Variants in SORCS2 observed in about 807,000 individuals in gnomAD.
SORCS2 encodes sortilin related VPS10 domain containing receptor 2, also known as VPS10 domain-containing receptor SorCS2.
In SORCS2, 100 loss-of-function variants were observed where a neutral mutation model predicts 141.6. That is an observed-to-expected ratio of 0.71 (90% CI 0.60 to 0.83). The LOEUF is 0.83. SORCS2 is among the 40% of genes least tolerant of loss of function. The probability of loss-of-function intolerance (pLI) is 0.00; values close to 1 mark genes in which losing one functional copy is unlikely to be tolerated. For synonymous variants in SORCS2, 789 were observed against 676.9 expected, an observed-to-expected ratio of 1.17 and a Z score of -2.57; for missense variants, 1,646 against 1,560.2, an observed-to-expected ratio of 1.05 and a Z score of -0.93.
intron 19 of SORCS2, among the ~76,000 whole-genome samples, chr4:7,724,106 G>GTGGTGA (rs1726798038): frequency 6.7e-6 from 1 of 149,784 alleles, no homozygotes; most frequent in Non-Finnish European, 1.5e-5. Context: ...ATTGATGATA[G>GTGGTGA]TGGTGGTGAT....
At chr4:7,662,671 T>G (rs1722251980) in intron 6 of SORCS2, among the ~76,000 whole-genome samples, 1 of 152,254 alleles carries the variant, frequency 6.6e-6, no homozygotes, top group African/African-American at 2.4e-5. Flanking sequence ...CAGGGTTAGC[T>G]GTCTGCCCTT....
Position 7,260,535 on chromosome 4 carries a change from A to G in SORCS2, c.480+67409A>G, listed in dbSNP as rs1257123312. On this transcript the variant is annotated intron_variant, in intron 1 of 26. Transcript: ENST00000507866. ...CTTTTAACAGTTGTTTGTGGAATGA[A>G]TGAATGAATGAGTGAACGGGAGCTG... is the stretch of plus-strand genomic sequence containing the variant. Among the ~76,000 whole-genome samples, 3 of 152,244 alleles carry G rather than the reference A, an allele frequency of 2.0e-5. No individual in the cohort carries two copies. In the East Asian group the frequency reaches 5.8e-4, roughly 29 times the overall value.
intron 3 of SORCS2, among the ~76,000 whole-genome samples, chr4:7,590,529 G>A (rs1305318947): frequency 1.3e-5 from 2 of 152,204 alleles, no homozygotes; most frequent in Non-Finnish European, 1.5e-5. Flanking sequence ...GGGACGTTGG[G>A]TGTCAGGCAG....
At chr4:7,269,729 GC>G (rs533582529) in intron 1 of SORCS2, among the ~76,000 whole-genome samples, 239 of 152,274 alleles carry the variant, frequency 1.6e-3, no homozygotes, top group African/African-American at 5.6e-3. Context: ...AAGCCCCCCA[GC>G]CCCCAACACC....
intron 2 of SORCS2, among the ~76,000 whole-genome samples, chr4:7,447,886 G>T (rs938551264): frequency 6.6e-6 from 1 of 152,168 alleles, no homozygotes; most frequent in Non-Finnish European, 1.5e-5. Context: ...CTGCAGATAC[G>T]GCAGAGGTGT....
At chr4:7,539,455 G>T (rs1712388598) in intron 3 of SORCS2, among the ~76,000 whole-genome samples, 1 of 152,208 alleles carries the variant, frequency 6.6e-6, no homozygotes, top group Non-Finnish European at 1.5e-5. Flanking sequence ...CCAGAACACA[G>T]AAGTCCAGTA....
chr4:7,377,075 G>A (rs922345473), intron 1 of SORCS2, among the ~76,000 whole-genome samples: 3 of 152,220 alleles, frequency 2.0e-5, no homozygotes, highest in Non-Finnish European at 2.9e-5. Flanking sequence ...TTCTGTATGC[G>A]TGTGGAAGTA....
rs1283499571 is a variant in SORCS2 at position 7,664,224 on chromosome 4, C to T, written c.953-129C>T. Reference sequence around the variant, plus strand: ...CAGCCGCAGGTGTCATCACGGTGGCCTTTAGAATTCAAGCCCATGAAGCCA... The same window carrying T: ...CAGCCGCAGGTGTCATCACGGTGGCTTTTAGAATTCAAGCCCATGAAGCCA... On this transcript the variant is annotated intron_variant, in intron 6 of 26. Coordinates refer to ENST00000507866, the MANE Select transcript of SORCS2 (RefSeq NM_020777.3). This position sits in a 1 kb window ranked among gnomAD's most constrained non-coding sequence, Gnocchi z 4.7. 7 of 701,890 alleles carry T rather than the reference C, an allele frequency of 1.0e-5. No homozygotes were observed. The East Asian group carries it at 2.0e-4, about 20-fold the overall frequency. The allele number at this position is 701,890 out of a possible 1,614,324, so 43.5% of individuals were successfully genotyped here.
chr4:7,281,303 G>A (rs922024730), intron 1 of SORCS2, among the ~76,000 whole-genome samples: 14 of 152,194 alleles, frequency 9.2e-5, no homozygotes, highest in East Asian at 3.9e-4. Context: ...GCCCATCTCC[G>A]CTTGTCGGTG....
At chr4:7,495,953 T>G (rs1018925166) in intron 2 of SORCS2, among the ~76,000 whole-genome samples, 2 of 152,076 alleles carry the variant, frequency 1.3e-5, no homozygotes, top group African/African-American at 2.4e-5. Context: ...GCAAGACTGT[T>G]GGGAATGTTG....
At chr4:7,304,523 A>G (rs1003223046) in intron 1 of SORCS2, among the ~76,000 whole-genome samples, 2 of 152,202 alleles carry the variant, frequency 1.3e-5, no homozygotes, top group Non-Finnish European at 2.9e-5. Context: ...ATGTGCATTG[A>G]GCCTGGGCTC....
rs534261144 is a variant in SORCS2, at chr4:7,391,242, C to A, written c.481-5046C>A. On this transcript the variant is annotated intron_variant, in intron 1 of 26. Transcript: ENST00000507866. ...TGCTGTTCACAGGTGAAGACGCTGA[C>A]GACTTTGCTGCTGGCCCATCAGCCC... Among the ~76,000 whole-genome samples the A allele has an allele frequency of 3.9e-5, 6 of 152,324 alleles. No individual in the cohort carries two copies. The East Asian group carries it at 1.2e-3, about 29-fold the overall frequency.
intron 4 of SORCS2, among the ~76,000 whole-genome samples, chr4:7,649,113 G>T (rs1721269149): frequency 6.6e-6 from 1 of 152,170 alleles, no homozygotes; most frequent in African/African-American, 2.4e-5. Flanking sequence ...GCAGGGGCAG[G>T]GCCTCTGAGC....
At chr4:7,331,705 G>A (rs1719665267) in intron 1 of SORCS2, among the ~76,000 whole-genome samples, 1 of 152,210 alleles carries the variant, frequency 6.6e-6, no homozygotes, top group South Asian at 2.1e-4. Context: ...GGGTGAAGCA[G>A]GAAAGTCTGT....
At position 7,726,876 on chromosome 4, in the gene SORCS2, C is replaced by A. The variant is rs1346660221; in HGVS notation, c.2842C>A (p.Gln948Lys). Residue 948 changes from glutamine to lysine, a missense_variant, in exon 21 of 27, where the codon CAG (glutamine) becomes AAG (lysine). Physicochemically the swap from Gln to Lys is moderately conservative, Grantham distance 53 (BLOSUM62 1). Transcript: ENST00000507866. ...GGCCGCCTGTGGGAACTCGGTGCTG[C>A]AGGACTCCAGGGTCCTCCGTGTGCT... Reference protein sequence around the residue: ...VQAACGNSVLQDSRVLRVLDQ... With the variant: ...VQAACGNSVLKDSRVLRVLDQ... The A allele has an allele frequency of 6.2e-7, 1 of 1,613,714 alleles. No individual in the cohort carries two copies. Among genetic ancestry groups the A allele is most frequent in the African/African-American group, 1.3e-5 (1 of 74,918 alleles).
At chr4:7,552,307 G>A (rs1051117473) in intron 3 of SORCS2, among the ~76,000 whole-genome samples, 2 of 152,144 alleles carry the variant, frequency 1.3e-5, no homozygotes, top group Non-Finnish European at 2.9e-5. Flanking sequence ...ATGGCTGGAA[G>A]AGAAAGAATC....
intron 3 of SORCS2, among the ~76,000 whole-genome samples, chr4:7,628,261 G>A (rs1010831178): frequency 2.6e-5 from 4 of 152,100 alleles, no homozygotes; most frequent in Non-Finnish European, 4.4e-5. Context: ...GGTGGCTCAT[G>A]CCTGTAATCC....
chr4:7,724,501 ATGG>A (rs1458815752), intron 19 of SORCS2, among the ~76,000 whole-genome samples: 1 of 51,888 alleles, frequency 1.9e-5, no homozygotes, highest in Non-Finnish European at 3.7e-5. Flanking sequence ...GGTGGTGACA[ATGG>A]TGGTGGTGAT....
intron 8 of SORCS2, 95 bp downstream of exon 8, chr4:7,667,308 T>G: frequency 8.5e-7 from 1 of 1,170,826 alleles, no homozygotes; most frequent in East Asian, 2.4e-5. Context: ...TGCTTGGCGG[T>G]CCCAGGTCAG....
Sources: allele counts gnomAD v4.1 joint callset (sites outside exome capture counted in the v4.1 genomes callset), GRCh38; gene constraint gnomAD v4.1.1; non-coding constraint Gnocchi (gnomAD v3.1); transcripts MANE v1.5; gene names NCBI Gene and HGNC (gene_info 2026-07-23, HGNC 2026-07-21).